RHNO1: variants seen among roughly 807,000 people sequenced by gnomAD.
RHNO1 encodes the protein RAD9-HUS1-RAD1 interacting nuclear orphan 1.
RHNO1 carries 9 observed loss-of-function variants against 7.2 expected under a neutral mutation model. The observed-to-expected ratio is 1.25, with a 90% confidence interval of 0.75 to 2.18. RHNO1 has a LOEUF of 2.18. RHNO1 is among the 30% of genes most tolerant of loss of function. The pLI is 0.00. For synonymous variants in RHNO1, 95 were observed against 107.5 expected (o/e 0.88, Z 0.72); for missense variants, 292 against 284.5 (o/e 1.03, Z -0.19).
chr12:2,879,658 G>A (rs1051246428), intron 1 of RHNO1, among the ~76,000 whole-genome samples: 6 of 151,708 alleles, frequency 4.0e-5, no homozygotes, highest in African/African-American at 1.2e-4. Flanking sequence ...TTTGAGGTGC[G>A]TTTGAAATAT....
chr12:2,883,498 TATATATATATATA>T (rs1224209468), intron 1 of RHNO1, among the ~76,000 whole-genome samples: 143 of 23,574 alleles, frequency 6.1e-3, no homozygotes, highest in Non-Finnish European at 8.1e-3. Context: ...TATATATATA[TATATATATATATA>T]TTTTTTTTTT....
At chr12:2,887,427 G>C (rs2098166867) in intron 2 of RHNO1, among the ~76,000 whole-genome samples, 1 of 145,080 alleles carries the variant, frequency 6.9e-6, no homozygotes, top group Admixed American at 7.2e-5. Flanking sequence ...GCAGTGAGCA[G>C]AGACCTGCCA....
chr12:2,888,481 G>GA lies in RHNO1; in HGVS notation c.*26dup. 1 of 1,526,406 alleles carries GA rather than the reference G, an allele frequency of 6.6e-7. No individual in the cohort carries two copies. The highest frequency in any genetic ancestry group is 8.8e-7 in the Non-Finnish European group (1 of 1,140,088). 94.6% of individuals were successfully genotyped at this position (1,526,406 alleles called of 1,614,324 possible). On this transcript the variant is annotated 3_prime_UTR_variant, in exon 3 of 3. Transcript: ENST00000489288. ...CTGACTGCCATCAGTAATCTCAATA[G>GA]AAAAGAGATATGTTTTCTGGAGTCA...
Position 2,885,560 on chromosome 12 carries a change from CATT to C in RHNO1, c.168+27_168+29del, listed in dbSNP as rs1324652725. The C allele has an allele frequency of 2.6e-4, 195 of 737,578 alleles. 10 individuals carry two copies. The highest frequency in any genetic ancestry group is 1.8e-3 in the African/African-American group (80 of 43,596). The allele number at this position is 737,578 out of a possible 1,614,324, so 45.7% of individuals were successfully genotyped here. On this transcript the variant is annotated intron_variant, in intron 2 of 2. Coordinates refer to ENST00000489288, the MANE Select transcript of RHNO1 (RefSeq NM_001252499.3). ...GTAGGCCCATGGGATTACTATTTGA[CATT>C]TTTTTTTTTTTTTTTTTTTTTTTTT...
intron 1 of RHNO1, among the ~76,000 whole-genome samples, chr12:2,883,308 C>G (rs1404825752): frequency 2.0e-5 from 3 of 149,552 alleles, no homozygotes; most frequent in African/African-American, 4.9e-5. Context: ...CCTGGGAGGT[C>G]AAGGCTGTGG....
At chr12:2,884,469 A>T (rs1279997200) in intron 1 of RHNO1, among the ~76,000 whole-genome samples, 1 of 152,224 alleles carries the variant, frequency 6.6e-6, no homozygotes, top group East Asian at 1.9e-4. Context: ...TAAAGTGATC[A>T]GCCTGCCTCA....
rs111518252 is a variant in RHNO1, at chr12:2,886,980, A to G, written c.169-931A>G. ...ACTGAGGGCCTTCTTTGTTCCAGGC[A>G]TTCTGCTAGGTGCTGGGAATCAAGA... On this transcript the variant is annotated intron_variant, in intron 2 of 2. Coordinates refer to ENST00000489288, the MANE Select transcript of RHNO1 (RefSeq NM_001252499.3). 317 of 456,004 alleles carry G rather than the reference A, an allele frequency of 7.0e-4. 1 individual carries two copies. The highest frequency in any genetic ancestry group is 5.0e-3 in the African/African-American group (250 of 50,186). The allele number at this position is 456,004 out of a possible 1,614,324, so 28.2% of individuals were successfully genotyped here.
intron 1 of RHNO1, among the ~76,000 whole-genome samples, chr12:2,879,327 A>AT (rs63461760): frequency 0.44 from 66,245 of 150,138 alleles, 15,532 homozygotes; most frequent in East Asian, 0.64. Flanking sequence ...AACTTGTTGA[A>AT]TTTTTTTTTC....
At chr12:2,885,560 CATTTTT>C (rs1459465497) in intron 2 of RHNO1, 26 bp downstream of exon 2, 12,961 of 734,618 alleles carry the variant, frequency 0.018, 744 homozygotes, top group East Asian at 0.031. Context: ...TACTATTTGA[CATTTTT>C]TTTTTTTTTT....
At chr12:2,880,534 T>C (rs1295580250) in intron 1 of RHNO1, among the ~76,000 whole-genome samples, 1 of 150,952 alleles carries the variant, frequency 6.6e-6, no homozygotes, top group African/African-American at 2.4e-5. Context: ...GGAGAATCGC[T>C]TGGACCTAGG....
chr12:2,882,278 C>CAATA (rs57480121), intron 1 of RHNO1, among the ~76,000 whole-genome samples: 13,433 of 146,924 alleles, frequency 0.091, 671 homozygotes, highest in Middle Eastern at 0.1. Flanking sequence ...CCTGTCTCTA[C>CAATA]AATAAATAAA....
At position 2,885,636 on chromosome 12, in the gene RHNO1, G is replaced by A. The variant is rs143245609; in HGVS notation, c.168+102G>A. ...ATCGCCCAGGCTGGAGCACAGTGGC[G>A]CGATCTTGGCTCACTGCAAGCTCCG... On this transcript the variant is annotated intron_variant, in intron 2 of 2. Transcript: ENST00000489288. The A allele has an allele frequency of 6.8e-3, 7,146 of 1,050,396 alleles. 401 individuals carry two copies. The African/African-American group carries it at 0.11, about 17-fold the overall frequency. 65.1% of individuals were successfully genotyped at this position (1,050,396 alleles called of 1,614,324 possible). A position where few individuals can be genotyped will look rare whatever the true frequency, so the allele number is the denominator to read the frequency against.
intron 1 of RHNO1, among the ~76,000 whole-genome samples, chr12:2,883,494 TATATATATATATATATA>T (rs1309696135): frequency 5.0e-5 from 1 of 19,890 alleles, no homozygotes; most frequent in Admixed American, 7.4e-4. Context: ...TATATATATA[TATATATATATATATATA>T]TTTTTTTTTT....
intron 1 of RHNO1, among the ~76,000 whole-genome samples, chr12:2,880,042 G>A (rs2098155421): frequency 6.6e-6 from 1 of 152,112 alleles, no homozygotes; most frequent in Admixed American, 6.5e-5. Flanking sequence ...TGGGCAGGGT[G>A]TGGTGATTCA....
In RHNO1 at chr12:2,888,892, CTG is replaced by C. The variant is rs1190242024; in HGVS notation, c.*435_*436del. 6.5e-6 allele frequency: 1 copy of C among 153,732 alleles called. No homozygotes were observed. The highest frequency in any genetic ancestry group is 2.4e-5 in the African/African-American group (1 of 41,496). 9.5% of individuals were successfully genotyped at this position (153,732 alleles called of 1,614,324 possible). A position where few individuals can be genotyped will look rare whatever the true frequency, so the allele number is the denominator to read the frequency against. On this transcript the variant is annotated 3_prime_UTR_variant, in exon 3 of 3. Coordinates refer to ENST00000489288, the MANE Select transcript of RHNO1 (RefSeq NM_001252499.3). ...TCACTTCATATTTTTCTTGTATTAA[CTG>C]TTTAAATTTTTAAAATATCTTGTAG... is the stretch of plus-strand genomic sequence containing the variant.
In RHNO1 at chr12:2,878,498, G is replaced by A. The variant is rs888914426; in HGVS notation, c.-85+1216G>A. 2.6e-5 allele frequency among the ~76,000 whole-genome samples: 4 copies of A among 151,998 alleles called. No homozygotes were observed. The East Asian group carries it at 5.8e-4, about 22-fold the overall frequency. ...GAGGAAGCAGAGCCTTAGCCATACC[G>A]AGAAGTTTTGTGCTTATCCAAGAAT... On this transcript the variant is annotated intron_variant, in intron 1 of 2. Coordinates refer to ENST00000489288, the MANE Select transcript of RHNO1 (RefSeq NM_001252499.3).
chr12:2,883,859 T>TA (rs891506566), intron 1 of RHNO1, among the ~76,000 whole-genome samples: 10 of 151,874 alleles, frequency 6.6e-5, no homozygotes, highest in Non-Finnish European at 8.8e-5. Context: ...AAGAAGTGGC[T>TA]AGGGGTGTAG....
chr12:2,877,072 G>T (rs1422695914), upstream of RHNO1: 2 of 152,054 alleles, frequency 1.3e-5, no homozygotes, highest in African/African-American at 4.8e-5. Flanking sequence ...AACCCCGGGG[G>T]ATCCCGGGAG....
intron 1 of RHNO1, among the ~76,000 whole-genome samples, chr12:2,882,647 G>C (rs1348327576): frequency 6.6e-6 from 1 of 152,056 alleles, no homozygotes; most frequent in Non-Finnish European, 1.5e-5. Context: ...CGGTTGCAGT[G>C]AGCCAAGATC....
Sources: allele counts gnomAD v4.1 joint callset (sites outside exome capture counted in the v4.1 genomes callset), GRCh38; gene constraint gnomAD v4.1.1; transcripts MANE v1.5; gene names NCBI Gene and HGNC (gene_info 2026-07-23, HGNC 2026-07-21).